The following FLNC variants were observed in gnomAD, a reference collection of about 807,000 sequenced individuals.
FLNC encodes the protein filamin C.
Under a neutral mutation model 254.3 loss-of-function variants are expected in FLNC, and 91 were observed. The ratio of observed to expected loss-of-function variants is 0.36; its 90% confidence interval spans 0.30 to 0.43. The LOEUF is 0.43. FLNC is among the 20% of genes least tolerant of loss of function. The pLI, the probability that FLNC is intolerant of heterozygous loss-of-function variation, is 1.00. For missense variants in FLNC, 2,853 were observed against 3,802.6 expected (o/e 0.75, Z 6.57); for synonymous variants, 1,430 against 1,577.2 (o/e 0.91, Z 2.21).
chr7:128,850,046 C>T lies in FLNC; in HGVS notation c.5270C>T (p.Pro1757Leu), dbSNP rs1287738560. Residue 1757 changes from proline (P) to leucine (L), a missense_variant, in exon 31 of 48, where the codon CCC (proline) becomes CTC (leucine). By Grantham distance (98) the Pro-to-Leu change is moderately conservative. Around this residue, in one of 10 missense-constraint regions of FLNC, gnomAD observed 258 missense variants for 312.3 expected, o/e 0.83. Transcript: ENST00000325888. ...CAGCTGCGCCAGCCCTACGCTCCTC[C>T]CCGGCCCGGCGCCCGCCCCACACAC... ...VPQLRQPYAPPRPGARPTHWA... is the reference protein window; with the variant it reads ...VPQLRQPYAPLRPGARPTHWA... 1 of 1,547,030 alleles carries T rather than the reference C, an allele frequency of 6.5e-7. No individual in the cohort carries two copies. Among genetic ancestry groups the T allele is most frequent in the Non-Finnish European group, 8.7e-7 (1 of 1,151,818 alleles).
rs34422412 is a variant in FLNC at position 128,854,456 on chromosome 7, A to G, written c.6771A>G (p.Pro2257=). The G allele has an allele frequency of 1.7e-3, 2,706 of 1,609,842 alleles. 29 individuals are homozygous for G. In the African/African-American group the frequency reaches 0.027, roughly 16 times the overall value. ...ACATGACTGCACAGGTGACCAGCCC[A>G]TCGGGCAAGGTGGAAGCCGCAGAGA... ...SQDMTAQVTS[P]SGKVEAAEIV... Residue 2257 remains proline, a synonymous_variant, in exon 41 of 48, where the codon CCA becomes CCG. Transcript: ENST00000325888.
chr7:128,843,191 C>T, intron 16 of FLNC, 38 bp from the exon 17 acceptor site: 1 of 1,535,600 alleles, frequency 6.5e-7, no homozygotes, highest in Non-Finnish European at 8.9e-7. Flanking sequence ...GGGGTGTGTT[C>T]CCCTCGAGAG....
chr7:128,848,447 A>G, intron 26 of FLNC, 114 bp from the exon 27 acceptor site: 1 of 1,156,742 alleles, frequency 8.6e-7, no homozygotes, highest in Non-Finnish European at 1.3e-6. Flanking sequence ...TCCCTGCCCC[A>G]CAGTCCTCCC....
Position 128,841,899 on chromosome 7 carries a change from G to T in FLNC, c.2121+332G>T. On this transcript the variant is annotated intron_variant, in intron 13 of 47. Transcript: ENST00000325888. This position sits in a 1 kb window ranked among gnomAD's most constrained non-coding sequence, Gnocchi z 4.3. ...CCTAGAGGTTAATGAACATATTCTTGAGGATCTAAGAGGGTGATTCTTCTT... is the reference window on the plus strand; with the variant it reads ...CCTAGAGGTTAATGAACATATTCTTTAGGATCTAAGAGGGTGATTCTTCTT... Among the ~76,000 whole-genome samples the T allele has an allele frequency of 6.6e-6, 1 of 152,218 alleles. No individual in the cohort carries two copies. Among genetic ancestry groups the T allele is most frequent in the East Asian group, 1.9e-4 (1 of 5,204 alleles).
chr7:128,853,144 C>A, intron 37 of FLNC, 113 bp downstream of exon 37: 1 of 1,112,588 alleles, frequency 9.0e-7, no homozygotes, highest in Non-Finnish European at 1.3e-6. Context: ...AACTTCCTGA[C>A]CAGTCTGCGT....
intron 21 of FLNC, 60 bp from the exon 22 acceptor site, chr7:128,845,930 G>T: frequency 6.7e-7 from 1 of 1,485,720 alleles, no homozygotes. Flanking sequence ...GGAGAGGAGA[G>T]GGAGCATCTG....
At chr7:128,844,417 C>A (rs1201409558) in intron 20 of FLNC, 151 bp downstream of exon 20, 14 of 1,047,656 alleles carry the variant, frequency 1.3e-5, no homozygotes, top group Non-Finnish European at 1.9e-5. Flanking sequence ...CCACCACCTG[C>A]CTTGGAGACA....
chr7:128,844,605 GC>G, intron 20 of FLNC, 52 bp from the exon 21 acceptor site: 1 of 1,521,872 alleles, frequency 6.6e-7, no homozygotes, highest in African/African-American at 1.4e-5. Context: ...GGCCATGAAG[GC>G]TGGGATGAGG....
In FLNC at chr7:128,841,118, G is replaced by A. The variant is rs1025178527; in HGVS notation, c.1814-52G>A. The A allele has an allele frequency of 4.4e-5, 70 of 1,600,988 alleles. No individual in the cohort carries two copies. The highest frequency in any genetic ancestry group is 1.3e-4 in the East Asian group (6 of 44,800). On this transcript the variant is annotated intron_variant, in intron 11 of 47. Coordinates refer to ENST00000325888, the MANE Select transcript of FLNC (RefSeq NM_001458.5). The surrounding 1 kb of genome is among the most constrained non-coding windows in gnomAD (Gnocchi z 4.3). ...GGCAGCTAGAGGGGAGCTGGGGGAC[G>A]GAAGGGTCTTGCCTGATGCTGGATC... is the stretch of plus-strand genomic sequence containing the variant.
intron 20 of FLNC, 66 bp from the exon 21 acceptor site, chr7:128,844,592 G>T: frequency 1.4e-6 from 2 of 1,410,270 alleles, no homozygotes; most frequent in South Asian, 2.3e-5. Flanking sequence ...TGAGTTGGGT[G>T]GGGGCCATGA....
In FLNC at chr7:128,838,607, C is replaced by T. The variant is rs749510534; in HGVS notation, c.1215C>T (p.Ala405=). The T allele has an allele frequency of 1.1e-4, 173 of 1,612,890 alleles. No homozygotes were observed. Among genetic ancestry groups the T allele is most frequent in the South Asian group, 2.2e-4 (20 of 91,080 alleles). ...PTYFDIYTAG[A]GTGDVAVVIV... is the part of the protein sequence containing the mutation. Reference sequence around the variant, plus strand: ...GACAGCCTCTGTTTTCGGCAGGGGCCGGCACTGGCGATGTTGCTGTGGTGA... The same window carrying T: ...GACAGCCTCTGTTTTCGGCAGGGGCTGGCACTGGCGATGTTGCTGTGGTGA... The change falls in exon 8 of 48, where the codon GCC becomes GCT. Residue 405 remains alanine, a synonymous_variant. Transcript: ENST00000325888.
intron 35 of FLNC, among the ~76,000 whole-genome samples, chr7:128,851,860 G>A (rs1397428517): frequency 6.6e-6 from 1 of 152,206 alleles, no homozygotes; most frequent in African/African-American, 2.4e-5. Flanking sequence ...AGTCTTTGAA[G>A]TCATTTGTTT....
Position 128,854,550 on chromosome 7 carries a change from G to T in FLNC, c.6865G>T (p.Ala2289Ser). 1 of 1,607,808 alleles carries T rather than the reference G, an allele frequency of 6.2e-7. No individual in the cohort carries two copies. Among genetic ancestry groups the T allele is most frequent in the East Asian group, 2.2e-5 (1 of 44,602 alleles). ...VPQEMGPHTV[A>S]VKYRGQHVPG... ...CCAGGAAATGGGGCCCCATACGGTC[G>T]CTGTCAAGTACCGTGGCCAGCACGT... The change falls in exon 41 of 48, where the codon GCT becomes TCT. Residue 2289 changes from alanine (A) to serine (S), a missense_variant. By Grantham distance (99) the Ala-to-Ser change is moderately conservative. This residue lies in a region of FLNC where 551 missense variants were observed against 835.0 expected (regional missense o/e 0.66). Transcript: ENST00000325888.
chr7:128,857,856 C>G lies in FLNC; in HGVS notation c.7781-152C>G. The G allele has an allele frequency of 2.8e-6, 2 of 704,930 alleles. No homozygotes were observed. The highest frequency in any genetic ancestry group is 5.2e-6 in the Non-Finnish European group (2 of 384,322). The allele number at this position is 704,930 out of a possible 1,614,324, so 43.7% of individuals were successfully genotyped here. On this transcript the variant is annotated intron_variant, in intron 46 of 47. Coordinates refer to ENST00000325888, the MANE Select transcript of FLNC (RefSeq NM_001458.5). The surrounding 1 kb of genome is among the most constrained non-coding windows in gnomAD (Gnocchi z 4.5). Reference sequence around the variant, plus strand: ...GGCCCTGGCTGGGAATGAGGCTGTGCTCCTAGAGTGGCCCTTGGAGGAATT... The same window carrying G: ...GGCCCTGGCTGGGAATGAGGCTGTGGTCCTAGAGTGGCCCTTGGAGGAATT...
Position 128,853,247 on chromosome 7 carries a change from C to T in FLNC, c.6208+216C>T. 5.7e-6 allele frequency: 4 copies of T among 705,670 alleles called. No homozygotes were observed. In the South Asian group the frequency reaches 6.9e-5, roughly 12 times the overall value. The allele number at this position is 705,670 out of a possible 1,614,324, so 43.7% of individuals were successfully genotyped here. A position where few individuals can be genotyped will look rare whatever the true frequency, so the allele number is the denominator to read the frequency against. On this transcript the variant is annotated intron_variant, in intron 37 of 47. Transcript: ENST00000325888. The stretch of plus-strand genomic sequence containing the variant: ...GAGAAAGCTCAGCTGTCCTGAGTTT[C>T]TGTCCCTCCCTTGCTCACTGGAATC...
At chr7:128,837,884 T>C (rs1467412304) in intron 5 of FLNC, 103 bp from the exon 6 acceptor site, 9 of 1,375,180 alleles carry the variant, frequency 6.5e-6, no homozygotes, top group Non-Finnish European at 9.3e-6. Flanking sequence ...CTGGGGAAGG[T>C]GTCACCATGG....
intron 26 of FLNC, 107 bp from the exon 27 acceptor site, chr7:128,848,454 T>C: frequency 8.3e-7 from 1 of 1,209,590 alleles, no homozygotes; most frequent in Admixed American, 1.7e-5. Context: ...CCCACAGTCC[T>C]CCCTCCTGCC....
Position 128,840,965 on chromosome 7 carries a change from C to T in FLNC, c.1808C>T (p.Thr603Ile). 1 of 1,594,236 alleles carries T rather than the reference C, an allele frequency of 6.3e-7. No homozygotes were observed. Among genetic ancestry groups the T allele is most frequent in the Non-Finnish European group, 8.5e-7 (1 of 1,170,332 alleles). The change falls in exon 11 of 48, where the codon ACA becomes ATA. Residue 603 changes from threonine to isoleucine, a missense_variant. Around this residue, in one of 10 missense-constraint regions of FLNC, gnomAD observed 1,573 missense variants for 1,883.5 expected, o/e 0.84. Coordinates refer to ENST00000325888, the MANE Select transcript of FLNC (RefSeq NM_001458.5). ...GAAGCCATTGGCACCGAGGTGGGGA[C>T]ACTGGGTAAGTGGCTGGGGGGCAGG... is the stretch of plus-strand genomic sequence containing the variant. ...VVEAIGTEVG[T>I]LGFSIEGPSQ... is the part of the protein sequence containing the mutation.
Position 128,843,475 on chromosome 7 carries a change from T to A in FLNC, c.2709T>A (p.Asp903Glu). The A allele has an allele frequency of 1.2e-6, 2 of 1,614,122 alleles. No homozygotes were observed. Among genetic ancestry groups the A allele is most frequent in the Middle Eastern group, 3.3e-4 (2 of 6,062 alleles). The change falls in exon 18 of 48, where the codon GAT (aspartate) becomes GAA (glutamate). Residue 903 changes from aspartate (D) to glutamate (E), a missense_variant. Asp to Glu is a conservative substitution (Grantham distance 45, BLOSUM62 2). Around this residue, in one of 10 missense-constraint regions of FLNC, gnomAD observed 1,573 missense variants for 1,883.5 expected, o/e 0.84. Transcript: ENST00000325888. ...LTKGAGKAKLDVQFAGTAKGE... is the reference protein window; with the variant it reads ...LTKGAGKAKLEVQFAGTAKGE... ...AGGGAGCCGGCAAGGCCAAGCTGGA[T>A]GTGCAGTTTGCAGGGACAGCCAAGG... is the stretch of plus-strand genomic sequence containing the variant.
Sources: allele counts gnomAD v4.1 joint callset (sites outside exome capture counted in the v4.1 genomes callset), GRCh38; gene constraint gnomAD v4.1.1; regional missense constraint gnomAD v4.1.1; non-coding constraint Gnocchi (gnomAD v3.1); transcripts MANE v1.5; gene names NCBI Gene and HGNC (gene_info 2026-07-23, HGNC 2026-07-21).